The following ABTB3 variants were observed in gnomAD, a reference collection of about 807,000 sequenced individuals.
ABTB3 encodes the protein ankyrin repeat- and BTB/POZ domain-containing protein 3.
the ABTB3 span, among the ~76,000 whole-genome samples, chr12:107,419,724 G>T: frequency 6.6e-5 from 10 of 152,154 alleles, no homozygotes; most frequent in African/African-American, 2.4e-4. Context: ...CTTAGACCTG[G>T]CATAGGAAGT....
chr12:107,639,274 A>G, the ABTB3 span, among the ~76,000 whole-genome samples: 1 of 152,210 alleles, frequency 6.6e-6, no homozygotes, highest in Admixed American at 6.5e-5. Context: ...CCCAGTCACA[A>G]GTGGCCTCAT....
chr12:107,573,360 A>C, the ABTB3 span, among the ~76,000 whole-genome samples: 1 of 152,210 alleles, frequency 6.6e-6, no homozygotes, highest in Admixed American at 6.5e-5. Flanking sequence ...AACAGAACCC[A>C]TAGGATGTGT....
the ABTB3 span, chr12:107,649,156 T>C: frequency 3.4e-6 from 5 of 1,459,536 alleles, no homozygotes; most frequent in Admixed American, 5.0e-5. Context: ...CGAATGGCTT[T>C]GAGATGATGC....
At chr12:107,407,052 C>T in the ABTB3 span, among the ~76,000 whole-genome samples, 153 of 152,274 alleles carry the variant, frequency 1.0e-3, 1 homozygote, top group Non-Finnish European at 7.4e-5. Context: ...AATACCATTG[C>T]CCCCATCCCA....
chr12:107,381,128 G>C, the ABTB3 span, among the ~76,000 whole-genome samples: 49 of 151,800 alleles, frequency 3.2e-4, no homozygotes, highest in African/African-American at 1.1e-3. Flanking sequence ...TTCTGCCTTT[G>C]TCTTCATCAT....
chr12:107,381,374 G>A, the ABTB3 span, among the ~76,000 whole-genome samples: 1 of 152,202 alleles, frequency 6.6e-6, no homozygotes, highest in South Asian at 2.1e-4. Context: ...ACAGGGTTAG[G>A]GCAAGGGCAG....
chr12:107,469,922 C>CTTTCTTTCTT, the ABTB3 span, among the ~76,000 whole-genome samples: 51 of 90,174 alleles, frequency 5.7e-4, 3 homozygotes, highest in East Asian at 2.7e-3. Flanking sequence ...TTCTTTCTTT[C>CTTTCTTTCTT]TCTCTCTCTC....
chr12:107,334,547 T>C, the ABTB3 span, among the ~76,000 whole-genome samples: 1 of 152,122 alleles, frequency 6.6e-6, no homozygotes, highest in Non-Finnish European at 1.5e-5. Flanking sequence ...GCTTGGGACA[T>C]GCAAAGTTCG....
chr12:107,582,568 A>G, the ABTB3 span, among the ~76,000 whole-genome samples: 1 of 152,240 alleles, frequency 6.6e-6, no homozygotes, highest in Admixed American at 6.5e-5. Context: ...GGGAACGGTC[A>G]TTCACTGAGC....
chr12:107,454,084 C>T, the ABTB3 span, among the ~76,000 whole-genome samples: 1 of 152,228 alleles, frequency 6.6e-6, no homozygotes, highest in Non-Finnish European at 1.5e-5. Flanking sequence ...TACATATACT[C>T]CCAGCACTTA....
At chr12:107,546,184 T>G in the ABTB3 span, among the ~76,000 whole-genome samples, 1 of 152,230 alleles carries the variant, frequency 6.6e-6, no homozygotes, top group East Asian at 1.9e-4. Context: ...CACTCCTCAG[T>G]TGATGCCAAA....
At chr12:107,482,006 C>G in the ABTB3 span, among the ~76,000 whole-genome samples, 1 of 151,568 alleles carries the variant, frequency 6.6e-6, no homozygotes, top group Non-Finnish European at 1.5e-5. Flanking sequence ...CCTGATCCAG[C>G]CCCTGTTGTT....
At chr12:107,423,000 T>C in the ABTB3 span, among the ~76,000 whole-genome samples, 1 of 152,228 alleles carries the variant, frequency 6.6e-6, no homozygotes, top group Non-Finnish European at 1.5e-5. Context: ...ATGGTTCATC[T>C]ACCTTATGTT....
chr12:107,588,241 C>T, the ABTB3 span, among the ~76,000 whole-genome samples: 1 of 152,178 alleles, frequency 6.6e-6, no homozygotes, highest in Non-Finnish European at 1.5e-5. Flanking sequence ...AAGGTCATAC[C>T]CATATGGAAA....
At chr12:107,512,374 A>G in the ABTB3 span, among the ~76,000 whole-genome samples, 1 of 152,268 alleles carries the variant, frequency 6.6e-6, no homozygotes, top group Non-Finnish European at 1.5e-5. Flanking sequence ...GCTGAAGGTA[A>G]GAAACACATC....
chr12:107,320,959 G>A, the ABTB3 span, among the ~76,000 whole-genome samples: 5 of 152,116 alleles, frequency 3.3e-5, no homozygotes, highest in African/African-American at 1.2e-4. Flanking sequence ...GCCTGACTTG[G>A]GTAGGTTTGA....
chr12:107,634,724 A>C, the ABTB3 span: 1 of 152,178 alleles, frequency 6.6e-6, no homozygotes, highest in Admixed American at 6.5e-5. Context: ...TGGGTTGCAG[A>C]ACCAGTTCCC....
chr12:107,461,960 T>C, the ABTB3 span, among the ~76,000 whole-genome samples: 4 of 152,068 alleles, frequency 2.6e-5, no homozygotes, highest in African/African-American at 9.7e-5. Flanking sequence ...GATTTTGCAT[T>C]GTGGGTTGGG....
chr12:107,443,929 G>A, the ABTB3 span, among the ~76,000 whole-genome samples: 1 of 152,206 alleles, frequency 6.6e-6, no homozygotes, highest in Non-Finnish European at 1.5e-5. Flanking sequence ...CAAAGGCCCT[G>A]TGAACCCTTG....
Sources: allele counts gnomAD v4.1 joint callset (sites outside exome capture counted in the v4.1 genomes callset), GRCh38; gene constraint gnomAD v4.1.1; transcripts MANE v1.5; gene names NCBI Gene and HGNC (gene_info 2026-07-23, HGNC 2026-07-21).